F13A1: variants seen among roughly 807,000 people sequenced by gnomAD.
F13A1 encodes the protein coagulation factor XIII A chain.
Under a neutral mutation model 80.1 loss-of-function variants are expected in F13A1, and 47 were observed. The ratio of observed to expected loss-of-function variants is 0.59; its 90% confidence interval spans 0.46 to 0.75. The LOEUF (loss-of-function observed/expected upper bound fraction) is 0.75. Ranked by LOEUF, F13A1 falls within the 30% of genes least tolerant of loss-of-function variation. The pLI is 0.00. For missense variants in F13A1, 817 were observed against 930.4 expected (o/e 0.88, Z 1.59); for synonymous variants, 349 against 344.9 (o/e 1.01, Z -0.13).
At chr6:6,226,230 C>T (rs1757273809) in intron 6 of F13A1, among the ~76,000 whole-genome samples, 1 of 152,166 alleles carries the variant, frequency 6.6e-6, no homozygotes, top group Non-Finnish European at 1.5e-5. Flanking sequence ...GCCATTTCAA[C>T]AATGTTTACA....
At chr6:6,152,471 G>A (rs1760396742) in intron 13 of F13A1, among the ~76,000 whole-genome samples, 1 of 152,136 alleles carries the variant, frequency 6.6e-6, no homozygotes, top group Non-Finnish European at 1.5e-5. Context: ...ATAAGTAAAG[G>A]AGATTTTTCT....
chr6:6,173,414 T>C (rs1760811170), intron 12 of F13A1, among the ~76,000 whole-genome samples: 1 of 47,046 alleles, frequency 2.1e-5, no homozygotes, highest in African/African-American at 1.0e-4. Flanking sequence ...CTTTTCTTTT[T>C]TTTTTTTTTT....
At chr6:6,238,153 T>C (rs1013353340) in intron 6 of F13A1, among the ~76,000 whole-genome samples, 33 of 152,182 alleles carry the variant, frequency 2.2e-4, no homozygotes, top group African/African-American at 8.0e-4. Context: ...TAGAAATAGA[T>C]CCATACTCAT....
At chr6:6,153,070 C>G (rs1006431280) in intron 13 of F13A1, among the ~76,000 whole-genome samples, 1 of 152,176 alleles carries the variant, frequency 6.6e-6, no homozygotes, top group Non-Finnish European at 1.5e-5. Context: ...TATATTTCAG[C>G]CCACTTTTAA....
chr6:6,190,308 T>A (rs922543454), intron 10 of F13A1, among the ~76,000 whole-genome samples: 3 of 152,266 alleles, frequency 2.0e-5, no homozygotes, highest in Non-Finnish European at 4.4e-5. Flanking sequence ...CTCTTCTTTC[T>A]AGAGTTTCCA....
chr6:6,155,391 G>A (rs980858466), intron 13 of F13A1, among the ~76,000 whole-genome samples: 2 of 152,142 alleles, frequency 1.3e-5, no homozygotes, highest in African/African-American at 4.8e-5. Flanking sequence ...GTAATTAGAT[G>A]CTGGCATGGG....
At chr6:6,157,093 C>T (rs186633100) in intron 13 of F13A1, among the ~76,000 whole-genome samples, 1 of 152,304 alleles carries the variant, frequency 6.6e-6, no homozygotes, top group Admixed American at 6.5e-5. Context: ...AGCCGTTGCT[C>T]AGCAACACGT....
At chr6:6,268,294 C>T (rs1470476116) in intron 3 of F13A1, among the ~76,000 whole-genome samples, 3 of 152,106 alleles carry the variant, frequency 2.0e-5, no homozygotes, top group Non-Finnish European at 2.9e-5. Flanking sequence ...CCCTTTATTC[C>T]CTATAACAAA....
chr6:6,318,631 T>C lies in F13A1; in HGVS notation c.34A>G (p.Arg12Gly), dbSNP rs763927187. ...GAGTTATTGGGTGGAACTGCTCTTC[T>C]GCCTCCAAAGGCGGTCCTGGAAGTT... Reference protein sequence around the residue: ...SETSRTAFGGRRAVPPNNSNA... With the variant: ...SETSRTAFGGGRAVPPNNSNA... The change falls in exon 2 of 15, where the codon AGA (arginine) becomes GGA (glycine). Residue 12 changes from arginine to glycine, a missense_variant. By Grantham distance (125) the Arg-to-Gly change is moderately radical (BLOSUM62 -2). Coordinates refer to ENST00000264870, the MANE Select transcript of F13A1 (RefSeq NM_000129.4). 1.9e-6 allele frequency: 3 copies of C among 1,612,824 alleles called. No individual in the cohort carries two copies. Among genetic ancestry groups the C allele is most frequent in the Admixed American group, 1.7e-5 (1 of 59,928 alleles).
chr6:6,300,668 A>G (rs113762324), intron 3 of F13A1, among the ~76,000 whole-genome samples: 8,558 of 152,154 alleles, frequency 0.056, 635 homozygotes, highest in African/African-American at 0.17. Flanking sequence ...GATGAACCCC[A>G]TACCTCAGAT....
chr6:6,253,162 A>G (rs1482346821), intron 4 of F13A1, among the ~76,000 whole-genome samples: 18 of 106,346 alleles, frequency 1.7e-4, no homozygotes, highest in East Asian at 6.5e-4. Flanking sequence ...AAAAAAAAAA[A>G]AGAGAGAGAG....
chr6:6,195,400 A>G (rs981730850), intron 10 of F13A1, among the ~76,000 whole-genome samples: 1 of 152,174 alleles, frequency 6.6e-6, no homozygotes, highest in Non-Finnish European at 1.5e-5. Flanking sequence ...ATTTTGTCTT[A>G]CCTGGATTGC....
intron 2 of F13A1, among the ~76,000 whole-genome samples, chr6:6,308,606 C>CTTTTTTTTTTTTTTTTTTT (rs770570204): frequency 1.1e-5 from 1 of 88,850 alleles, no homozygotes; most frequent in Non-Finnish European, 2.1e-5. Context: ...AAAACACATT[C>CTTTTTTTTTTTTTTTTTTT]TTTTTTTTTT....
intron 6 of F13A1, among the ~76,000 whole-genome samples, chr6:6,233,841 C>A (rs1022811585): frequency 1.2e-4 from 19 of 152,184 alleles, no homozygotes; most frequent in South Asian, 6.2e-4. Flanking sequence ...GAATTAAAAA[C>A]AAAAATCACA....
rs1308929687 is a variant in F13A1, at chr6:6,162,512, C to T, written c.1908+4946G>A. On this transcript the variant is annotated intron_variant, in intron 13 of 14. Coordinates refer to ENST00000264870, the MANE Select transcript of F13A1 (RefSeq NM_000129.4). The surrounding 1 kb of genome is among the most constrained non-coding windows in gnomAD (Gnocchi z 4.2). Reference sequence around the variant, plus strand: ...CTCTCTGCAAAGTCAATGACCACCTCTGCTTTTTGTGATAGTTCCATTGTA... The same window carrying T: ...CTCTCTGCAAAGTCAATGACCACCTTTGCTTTTTGTGATAGTTCCATTGTA... 6.6e-6 allele frequency among the ~76,000 whole-genome samples: 1 copy of T among 152,228 alleles called. No individual in the cohort carries two copies. Among genetic ancestry groups the T allele is most frequent in the African/African-American group, 2.4e-5 (1 of 41,452 alleles).
chr6:6,248,160 A>AGGAGCTATAAC (rs1475285999), intron 6 of F13A1, 152 bp downstream of exon 6: 1 of 712,476 alleles, frequency 1.4e-6, no homozygotes, highest in African/African-American at 1.8e-5. Context: ...AGAAAATTCC[A>AGGAGCTATAAC]GGAGCTATAA....
At chr6:6,156,536 T>C (rs181887997) in intron 13 of F13A1, among the ~76,000 whole-genome samples, 3 of 152,330 alleles carry the variant, frequency 2.0e-5, no homozygotes, top group South Asian at 2.1e-4. Flanking sequence ...CAATCATGTA[T>C]TGCACGTATT....
At chr6:6,314,977 A>T (rs1438326357) in intron 2 of F13A1, among the ~76,000 whole-genome samples, 2 of 152,196 alleles carry the variant, frequency 1.3e-5, no homozygotes, top group African/African-American at 4.8e-5. Context: ...GGTGGGATGG[A>T]GGAGATTCTT....
At chr6:6,179,777 C>A (rs1272004440) in intron 11 of F13A1, among the ~76,000 whole-genome samples, 1 of 152,162 alleles carries the variant, frequency 6.6e-6, no homozygotes, top group Non-Finnish European at 1.5e-5. Context: ...TGGACCAGAC[C>A]TCCACACTGT....
Sources: gnomAD v4.1 joint callset for allele counts (sites outside exome capture counted in the v4.1 genomes callset) on GRCh38, gnomAD v4.1.1 for gene constraint, Gnocchi (gnomAD v3.1) non-coding constraint, MANE v1.5 for transcripts, NCBI Gene and HGNC (gene_info 2026-07-23, HGNC 2026-07-21) for gene names.